CAMK2D: variants seen among roughly 807,000 people sequenced by gnomAD.
CAMK2D encodes calcium/calmodulin-dependent protein kinase type II subunit delta.
In CAMK2D, 37 loss-of-function variants were observed where a neutral mutation model predicts 84.0. That is an observed-to-expected ratio of 0.44 (90% CI 0.34 to 0.58). The LOEUF (loss-of-function observed/expected upper bound fraction) is 0.58, where lower values mean the gene tolerates loss of function less well. Ranked by LOEUF, CAMK2D falls within the 20% of genes least tolerant of loss-of-function variation. The pLI, the probability that CAMK2D is intolerant of heterozygous loss-of-function variation, is 0.02. For missense variants in CAMK2D, 448 were observed against 652.5 expected, an observed-to-expected ratio of 0.69 and a Z score of 3.41; for synonymous variants, 202 against 212.5, an observed-to-expected ratio of 0.95 and a Z score of 0.43.
At chr4:113,748,265 TAGC>T (rs1269378010) in intron 2 of CAMK2D, among the ~76,000 whole-genome samples, 1 of 152,148 alleles carries the variant, frequency 6.6e-6, no homozygotes, top group Non-Finnish European at 1.5e-5. Context: ...ATCCAGCACC[TAGC>T]AGAAGGACCA....
intron 2 of CAMK2D, among the ~76,000 whole-genome samples, chr4:113,746,432 T>C (rs2099604305): frequency 6.6e-6 from 1 of 152,202 alleles, no homozygotes. Context: ...CTCTTTATTA[T>C]TTTATCTTAT....
intron 3 of CAMK2D, among the ~76,000 whole-genome samples, chr4:113,622,650 G>C (rs192282826): frequency 5.3e-5 from 8 of 152,278 alleles, no homozygotes; most frequent in African/African-American, 1.9e-4. Flanking sequence ...TTTGGTTTCA[G>C]CTACATGGGA....
intron 16 of CAMK2D, among the ~76,000 whole-genome samples, chr4:113,494,608 G>T (rs1233131707): frequency 6.6e-6 from 1 of 152,204 alleles, no homozygotes; most frequent in Admixed American, 6.5e-5. Flanking sequence ...TCTGTGTCCT[G>T]CCCCCAGAGG....
At chr4:113,759,257 C>A in intron 2 of CAMK2D, 63 bp downstream of exon 2, 1 of 981,728 alleles carries the variant, frequency 1.0e-6, no homozygotes, top group Non-Finnish European at 1.6e-6. Flanking sequence ...TTACATACAA[C>A]AGAACCTATA....
chr4:113,452,379 C>T lies in CAMK2D; in HGVS notation c.*2166G>A, dbSNP rs2097263649. On this transcript the variant is annotated 3_prime_UTR_variant, in exon 21 of 21. Transcript: ENST00000511664. ...GGCCAGCACTATGCAGGCATACATACAGTACCTCTTCTGAAGAAATAAAGA... is the reference window on the plus strand; with the variant it reads ...GGCCAGCACTATGCAGGCATACATATAGTACCTCTTCTGAAGAAATAAAGA... The T allele has an allele frequency of 6.6e-6, 1 of 152,324 alleles. No individual in the cohort carries two copies. Among genetic ancestry groups the T allele is most frequent in the African/African-American group, 2.4e-5 (1 of 41,456 alleles). The allele number at this position is 152,324 out of a possible 1,614,324, so 9.4% of individuals were successfully genotyped here.
intron 2 of CAMK2D, among the ~76,000 whole-genome samples, chr4:113,681,956 C>T (rs1326378163): frequency 6.6e-6 from 1 of 151,812 alleles, no homozygotes; most frequent in East Asian, 1.9e-4. Context: ...CAAAGTATGT[C>T]TGTACTCAAA....
chr4:113,554,762 T>C (rs2098653259), intron 4 of CAMK2D, among the ~76,000 whole-genome samples: 1 of 152,140 alleles, frequency 6.6e-6, no homozygotes, highest in Admixed American at 6.5e-5. Context: ...TTTTGAAAAT[T>C]TTTACTGTGC....
rs2098252149 is a variant in CAMK2D, at chr4:113,514,005, T to A, written c.820-92A>T. ...CCTGACTTCATCAAATATTTATTAA[T>A]GGTGCTGCACCTGCAGGATCAACTT... On this transcript the variant is annotated intron_variant, in intron 10 of 20. Transcript: ENST00000511664. 3 of 614,644 alleles carry A rather than the reference T, an allele frequency of 4.9e-6. No homozygotes were observed. In the South Asian group the frequency reaches 6.4e-5, roughly 13 times the overall value. The allele number at this position is 614,644 out of a possible 1,614,324, so 38.1% of individuals were successfully genotyped here.
chr4:113,521,297 T>C (rs2098355885), intron 8 of CAMK2D, among the ~76,000 whole-genome samples: 1 of 152,182 alleles, frequency 6.6e-6, no homozygotes, highest in Non-Finnish European at 1.5e-5. Context: ...TATTATGTTA[T>C]TTTTCTTATT....
intron 2 of CAMK2D, among the ~76,000 whole-genome samples, chr4:113,710,148 A>T (rs1384315631): frequency 6.6e-6 from 1 of 152,086 alleles, no homozygotes; most frequent in Non-Finnish European, 1.5e-5. Flanking sequence ...ATATTTGTGA[A>T]TAAATTCCTG....
At chr4:113,629,052 T>C (rs2099078785) in intron 3 of CAMK2D, among the ~76,000 whole-genome samples, 2 of 151,924 alleles carry the variant, frequency 1.3e-5, no homozygotes, top group South Asian at 4.1e-4. Flanking sequence ...TATATATATA[T>C]AACTCAGCAG....
In CAMK2D at chr4:113,660,167, A is replaced by C. The variant is rs111351005; in HGVS notation, c.220+1546T>G. ...GATCAGAAATACTTAGGTTAACAAT[A>C]AAATTGAGGGAGCTGGGACAGTAAC... On this transcript the variant is annotated intron_variant, in intron 3 of 20. Transcript: ENST00000511664. 5.8e-3 allele frequency among the ~76,000 whole-genome samples: 891 copies of C among 152,340 alleles called. 16 individuals carry two copies. Among genetic ancestry groups the C allele is most frequent in the African/African-American group, 0.02 (844 of 41,578 alleles).
At chr4:113,542,777 T>C (rs151334082) in intron 6 of CAMK2D, among the ~76,000 whole-genome samples, 2 of 152,244 alleles carry the variant, frequency 1.3e-5, no homozygotes, top group Admixed American at 1.3e-4. Flanking sequence ...AACTAATTCC[T>C]TTCTACTTTG....
intron 3 of CAMK2D, among the ~76,000 whole-genome samples, chr4:113,655,983 C>A (rs1462897367): frequency 6.6e-6 from 1 of 152,086 alleles, no homozygotes; most frequent in African/African-American, 2.4e-5. Flanking sequence ...GCTATCACCT[C>A]AAATATTTTA....
rs758179826 is a variant in CAMK2D, at chr4:113,531,211, C to A, written c.601+5G>T. ...CAAAATTTGCTTCAAAATATAATTG[C>A]TTACCACATGCCCACATATCCACTG... On this transcript the variant is annotated splice_donor_5th_base_variant and intron_variant, in intron 8 of 20. Transcript: ENST00000511664. 6.7e-7 allele frequency: 1 copy of A among 1,500,302 alleles called. No homozygotes were observed. Among genetic ancestry groups the A allele is most frequent in the Non-Finnish European group, 9.3e-7 (1 of 1,076,284 alleles). 92.9% of individuals were successfully genotyped at this position (1,500,302 alleles called of 1,614,324 possible).
chr4:113,507,247 A>T (rs2098140052), intron 13 of CAMK2D, among the ~76,000 whole-genome samples: 1 of 151,438 alleles, frequency 6.6e-6, no homozygotes, highest in Admixed American at 6.6e-5. Context: ...TCAACCACAA[A>T]TGTCTTTTTT....
intron 6 of CAMK2D, among the ~76,000 whole-genome samples, chr4:113,538,733 A>C (rs1216844687): frequency 6.6e-6 from 1 of 152,192 alleles, no homozygotes; most frequent in African/African-American, 2.4e-5. Flanking sequence ...CTAATTTATT[A>C]ATTAAGCCAG....
At chr4:113,722,950 T>A (rs2099535320) in intron 2 of CAMK2D, among the ~76,000 whole-genome samples, 1 of 152,178 alleles carries the variant, frequency 6.6e-6, no homozygotes, top group Non-Finnish European at 1.5e-5. Context: ...AAGGTCCCTT[T>A]ACCTTGAAGG....
chr4:113,751,802 TTTA>T (rs1354529663), intron 2 of CAMK2D, among the ~76,000 whole-genome samples: 1 of 151,898 alleles, frequency 6.6e-6, no homozygotes, highest in African/African-American at 2.4e-5. Flanking sequence ...TAAAAAAAAT[TTTA>T]TCAGACATAG....
Sources: gnomAD v4.1 joint callset for allele counts (sites outside exome capture counted in the v4.1 genomes callset) on GRCh38, gnomAD v4.1.1 for gene constraint, MANE v1.5 for transcripts, NCBI Gene and HGNC (gene_info 2026-07-23, HGNC 2026-07-21) for gene names.